Variants in ADAM12 observed in about 807,000 individuals in gnomAD.
ADAM12 encodes the protein ADAM metallopeptidase domain 12, also known as disintegrin and metalloproteinase domain-containing protein 12.
A neutral mutation model predicts 106.4 loss-of-function variants in ADAM12; 70 were observed. The observed-to-expected ratio is 0.66, with a 90% CI of 0.54 to 0.80. ADAM12 has a LOEUF of 0.80. ADAM12 is among the 30% of genes least tolerant of loss of function. The pLI is 0.00. For missense variants in ADAM12, 1,010 were observed against 1,171.9 expected, an observed-to-expected ratio of 0.86 and a Z score of 2.02; for synonymous variants, 420 against 433.5, an observed-to-expected ratio of 0.97 and a Z score of 0.39.
chr10:126,081,980 GGATGAGCAAACA>G (rs1453810312), intron 11 of ADAM12, among the ~76,000 whole-genome samples: 15 of 152,158 alleles, frequency 9.9e-5, no homozygotes, highest in South Asian at 8.3e-4. Context: ...GGAGGCGAAG[GGATGAGCAAACA>G]GTTAAAGATC....
intron 11 of ADAM12, among the ~76,000 whole-genome samples, chr10:126,087,257 T>C (rs2133547343): frequency 6.6e-6 from 1 of 152,262 alleles, no homozygotes; most frequent in East Asian, 1.9e-4. Context: ...AATTCTTTCA[T>C]TTTCCAGTGA....
intron 3 of ADAM12, among the ~76,000 whole-genome samples, chr10:126,248,678 TATG>T: frequency 6.4e-5 from 2 of 31,466 alleles, no homozygotes; most frequent in African/African-American, 4.1e-4. Flanking sequence ...TGTATGTATG[TATG>T]TATGTATTTA....
rs1856744655 is a variant in ADAM12 at position 126,388,146 on chromosome 10, C to A, written c.-1G>T. The A allele has an allele frequency of 1.7e-6, 2 of 1,211,420 alleles. No homozygotes were observed. Among genetic ancestry groups the A allele is most frequent in the African/African-American group, 3.1e-5 (2 of 63,566 alleles). The allele number at this position is 1,211,420 out of a possible 1,614,324, so 75.0% of individuals were successfully genotyped here. On this transcript the variant is annotated 5_prime_UTR_variant, in exon 1 of 23. Coordinates refer to ENST00000448723, the MANE Select transcript of ADAM12 (RefSeq NM_001288973.2). This position sits in a 1 kb window ranked among gnomAD's most constrained non-coding sequence, Gnocchi z 4.4. ...ACACGGGCAGCGGGCGCGCTGCCAT[C>A]GTCGCCGGCCTTCAGTGCAGCAGCT...
At chr10:126,182,914 G>A (rs1261611691) in intron 3 of ADAM12, among the ~76,000 whole-genome samples, 1 of 152,232 alleles carries the variant, frequency 6.6e-6, no homozygotes, top group East Asian at 1.9e-4. Context: ...ACCGATACCT[G>A]TCCGTGGCCT....
chr10:126,158,336 A>AGGATGCACAGAGCATGAG (rs1277584431), intron 3 of ADAM12, among the ~76,000 whole-genome samples: 1 of 144,798 alleles, frequency 6.9e-6, no homozygotes, highest in African/African-American at 2.6e-5. Flanking sequence ...CATGGAGGGG[A>AGGATGCACAGAGCATGAG]GGATGCACAG....
chr10:126,112,405 T>C (rs1388104508), intron 6 of ADAM12, among the ~76,000 whole-genome samples: 1 of 152,026 alleles, frequency 6.6e-6, no homozygotes, highest in East Asian at 1.9e-4. Context: ...CTGGTTGCTC[T>C]ACTGGATTTT....
At chr10:126,374,820 G>T (rs1276108190) in intron 1 of ADAM12, among the ~76,000 whole-genome samples, 1 of 152,078 alleles carries the variant, frequency 6.6e-6, no homozygotes, top group East Asian at 1.9e-4. Context: ...TTAAATAATT[G>T]ATTGGATTCA....
chr10:126,171,264 G>A (rs1957115642), intron 3 of ADAM12, among the ~76,000 whole-genome samples: 1 of 152,044 alleles, frequency 6.6e-6, no homozygotes, highest in Non-Finnish European at 1.5e-5. Flanking sequence ...TAATTCTTAT[G>A]AATTACCTTG....
intron 3 of ADAM12, among the ~76,000 whole-genome samples, chr10:126,194,828 G>A (rs1196948197): frequency 6.6e-6 from 1 of 152,162 alleles, no homozygotes; most frequent in Admixed American, 6.5e-5. Flanking sequence ...GTTGACATAC[G>A]TATGTAACAC....
chr10:126,075,896 C>T (rs531916288), intron 11 of ADAM12, among the ~76,000 whole-genome samples: 1 of 152,310 alleles, frequency 6.6e-6, no homozygotes, highest in Admixed American at 6.5e-5. Context: ...ATGGGCCAGG[C>T]ACTGGGAATG....
rs1306520620 is a variant in ADAM12, at chr10:126,016,354, G to A, written c.*925C>T. ...TCATCTGTCTGAATACAGGATCATTGTATTACAGTTTGTGGTGATTTGCTC... is the reference window on the plus strand; with the variant it reads ...TCATCTGTCTGAATACAGGATCATTATATTACAGTTTGTGGTGATTTGCTC... On this transcript the variant is annotated 3_prime_UTR_variant, in exon 23 of 23. Coordinates refer to ENST00000448723, the MANE Select transcript of ADAM12 (RefSeq NM_001288973.2). 6.6e-6 allele frequency: 1 copy of A among 152,144 alleles called. No homozygotes were observed. The highest frequency in any genetic ancestry group is 2.4e-5 in the African/African-American group (1 of 41,416). 9.4% of individuals were successfully genotyped at this position (152,144 alleles called of 1,614,324 possible). A position where few individuals can be genotyped will look rare whatever the true frequency, so the allele number is the denominator to read the frequency against.
chr10:126,231,039 C>T (rs1301607767), intron 3 of ADAM12, among the ~76,000 whole-genome samples: 2 of 152,152 alleles, frequency 1.3e-5, no homozygotes, highest in African/African-American at 4.8e-5. Context: ...GAACGTAAGA[C>T]ATCAACTTAA....
intron 1 of ADAM12, among the ~76,000 whole-genome samples, chr10:126,340,539 C>A (rs564932029): frequency 6.6e-6 from 1 of 152,238 alleles, no homozygotes; most frequent in African/African-American, 2.4e-5. Flanking sequence ...TGCTCATAAT[C>A]CTACTGTGTG....
chr10:126,135,686 A>T lies in ADAM12; in HGVS notation c.340-26T>A, dbSNP rs371430414. The T allele has an allele frequency of 6.3e-6, 10 of 1,597,634 alleles. No homozygotes were observed. In the African/African-American group the frequency reaches 1.3e-4, roughly 21 times the overall value. On this transcript the variant is annotated intron_variant, in intron 4 of 22. Coordinates refer to ENST00000448723, the MANE Select transcript of ADAM12 (RefSeq NM_001288973.2). Reference sequence around the variant, plus strand: ...CTAAAGGGGAGGAGGAGAGAATCCCATTTCAGTTATAACACATTTTTGCCC... The same window carrying T: ...CTAAAGGGGAGGAGGAGAGAATCCCTTTTCAGTTATAACACATTTTTGCCC...
At chr10:126,141,130 C>G (rs1956502097) in intron 4 of ADAM12, among the ~76,000 whole-genome samples, 1 of 152,210 alleles carries the variant, frequency 6.6e-6, no homozygotes, top group South Asian at 2.1e-4. Flanking sequence ...CAGCAGGGAG[C>G]CATCATGCCT....
At chr10:126,262,949 A>G (rs1959029989) in intron 3 of ADAM12, among the ~76,000 whole-genome samples, 1 of 152,058 alleles carries the variant, frequency 6.6e-6, no homozygotes, top group African/African-American at 2.4e-5. Flanking sequence ...AGACATTTAA[A>G]TCTCCCAACA....
At chr10:126,144,156 A>C (rs1160241130) in intron 4 of ADAM12, among the ~76,000 whole-genome samples, 3 of 152,146 alleles carry the variant, frequency 2.0e-5, no homozygotes, top group African/African-American at 7.2e-5. Context: ...ACGCTTACAA[A>C]ATCATGTTCA....
chr10:126,191,366 T>C (rs1957497557), intron 3 of ADAM12, among the ~76,000 whole-genome samples: 1 of 152,038 alleles, frequency 6.6e-6, no homozygotes. Flanking sequence ...TTCCAGCTGC[T>C]GAGTGGAGGA....
chr10:126,027,064 G>T (rs1429576515), intron 21 of ADAM12, among the ~76,000 whole-genome samples: 1 of 152,006 alleles, frequency 6.6e-6, no homozygotes. Flanking sequence ...ATGATAAGGG[G>T]GATATCACCA....
Sources: allele counts gnomAD v4.1 joint callset (sites outside exome capture counted in the v4.1 genomes callset), GRCh38; gene constraint gnomAD v4.1.1; non-coding constraint Gnocchi (gnomAD v3.1); transcripts MANE v1.5; gene names NCBI Gene and HGNC (gene_info 2026-07-23, HGNC 2026-07-21).